The following PARD3B variants were observed in gnomAD, a reference collection of about 807,000 sequenced individuals.
The protein encoded by PARD3B is partitioning defective 3 homolog B.
A neutral mutation model predicts 130.2 loss-of-function variants in PARD3B; 103 were observed. The ratio of observed to expected loss-of-function variants is 0.79; its 90% CI spans 0.67 to 0.93. PARD3B has a LOEUF of 0.93. Ranked by LOEUF, PARD3B falls within the 40% of genes least tolerant of loss-of-function variation. The probability of loss-of-function intolerance (pLI) is 0.00; values close to 1 mark genes in which losing one functional copy is unlikely to be tolerated. For synonymous variants in PARD3B, 583 were observed against 553.2 expected, an observed-to-expected ratio of 1.05 and a Z score of -0.76; for missense variants, 1,609 against 1,499.2, an observed-to-expected ratio of 1.07 and a Z score of -1.21.
At chr2:204,584,449 T>C (rs1400641362) in intron 1 of PARD3B, among the ~76,000 whole-genome samples, 1 of 152,114 alleles carries the variant, frequency 6.6e-6, no homozygotes, top group African/African-American at 2.4e-5. Context: ...AAAAATAAGC[T>C]CATTTCTGAA....
intron 1 of PARD3B, among the ~76,000 whole-genome samples, chr2:204,561,819 A>G (rs750964356): frequency 4.0e-5 from 6 of 150,442 alleles, no homozygotes; most frequent in Non-Finnish European, 7.4e-5. Context: ...CTGGTCTTGA[A>G]CTCCTGACCT....
chr2:205,200,819 G>A (rs939936755), intron 15 of PARD3B, among the ~76,000 whole-genome samples: 3 of 152,164 alleles, frequency 2.0e-5, no homozygotes, highest in African/African-American at 7.2e-5. Context: ...ATTTTAGATG[G>A]GATAGTGAAT....
intron 4 of PARD3B, among the ~76,000 whole-genome samples, chr2:205,089,094 C>A (rs1701930123): frequency 6.6e-6 from 1 of 151,662 alleles, no homozygotes; most frequent in African/African-American, 2.4e-5. Context: ...AACCACCATG[C>A]CCGGCCTGCA....
At chr2:204,996,895 C>T (rs1267875549) in intron 3 of PARD3B, among the ~76,000 whole-genome samples, 5 of 150,716 alleles carry the variant, frequency 3.3e-5, no homozygotes, top group Non-Finnish European at 7.4e-5. Context: ...ACTCCCTGAC[C>T]CCTTGCGCTT....
intron 3 of PARD3B, among the ~76,000 whole-genome samples, chr2:204,978,486 G>A (rs1692380751): frequency 6.6e-6 from 1 of 152,170 alleles, no homozygotes; most frequent in African/African-American, 2.4e-5. Context: ...CAGTAGGGCA[G>A]TAGTCATCTT....
At chr2:204,810,890 C>T (rs754571166) in intron 2 of PARD3B, among the ~76,000 whole-genome samples, 3 of 152,008 alleles carry the variant, frequency 2.0e-5, no homozygotes, top group Non-Finnish European at 4.4e-5. Context: ...ATGGTACCAG[C>T]TCTTTGTCCA....
At chr2:204,947,855 G>T (rs1307728225) in intron 2 of PARD3B, among the ~76,000 whole-genome samples, 1 of 152,174 alleles carries the variant, frequency 6.6e-6, no homozygotes, top group African/African-American at 2.4e-5. Context: ...ATGACATGAT[G>T]AATAGGTCTA....
At chr2:204,562,858 A>G (rs1347412793) in intron 1 of PARD3B, among the ~76,000 whole-genome samples, 2 of 151,520 alleles carry the variant, frequency 1.3e-5, no homozygotes, top group Non-Finnish European at 2.9e-5. Context: ...CTGTAACTAG[A>G]TTTGCATTTC....
chr2:205,064,291 G>A (rs1220607896), intron 4 of PARD3B, among the ~76,000 whole-genome samples: 1 of 152,010 alleles, frequency 6.6e-6, no homozygotes, highest in Non-Finnish European at 1.5e-5. Context: ...TGTGCTTCAG[G>A]AAAAAGTGGA....
intron 2 of PARD3B, among the ~76,000 whole-genome samples, chr2:204,964,415 T>C (rs1691034836): frequency 6.6e-6 from 1 of 152,170 alleles, no homozygotes; most frequent in African/African-American, 2.4e-5. Context: ...ATGAACAATT[T>C]AGAGTTTTTA....
chr2:205,114,263 G>A (rs2125600286), intron 6 of PARD3B, among the ~76,000 whole-genome samples: 1 of 152,186 alleles, frequency 6.6e-6, no homozygotes, highest in Non-Finnish European at 1.5e-5. Flanking sequence ...GGAAATTAAA[G>A]TGTGTGCCAC....
chr2:204,893,882 T>G (rs2046541298), intron 2 of PARD3B, among the ~76,000 whole-genome samples: 1 of 152,144 alleles, frequency 6.6e-6, no homozygotes, highest in Non-Finnish European at 1.5e-5. Context: ...TTTATTATAT[T>G]ATTAATTCAA....
intron 18 of PARD3B, among the ~76,000 whole-genome samples, chr2:205,383,856 C>T (rs1051089390): frequency 4.6e-5 from 7 of 152,148 alleles, no homozygotes; most frequent in African/African-American, 1.7e-4. Context: ...ACTTGGTGTT[C>T]ATAGGTTGCC....
chr2:204,938,905 A>G lies in PARD3B; in HGVS notation c.223-26247A>G, dbSNP rs180761316. Among the ~76,000 whole-genome samples the G allele has an allele frequency of 3.3e-3, 505 of 152,320 alleles. 1 individual carries two copies. Among genetic ancestry groups the G allele is most frequent in the Non-Finnish European group, 6.1e-3 (412 of 68,026 alleles). ...TATATCTGGATGAATAAGTGAACTC[A>G]CAGAGAGTAAATATGGATGCCCTTG... On this transcript the variant is annotated intron_variant, in intron 2 of 22. Coordinates refer to ENST00000406610, the MANE Select transcript of PARD3B (RefSeq NM_001302769.2).
chr2:205,113,086 A>G lies in PARD3B; in HGVS notation c.594-405A>G, dbSNP rs545070767. Among the ~76,000 whole-genome samples, 30 of 152,288 alleles carry G rather than the reference A, an allele frequency of 2.0e-4. 1 individual carries two copies. In the South Asian group the frequency reaches 5.6e-3, roughly 28 times the overall value. ...CTGTTCCAGAGAAGAAGCCTACTTT[A>G]TGCTGAAGCATCGATGTGCTTTCTT... On this transcript the variant is annotated intron_variant, in intron 5 of 22. Transcript: ENST00000406610.
intron 22 of PARD3B, among the ~76,000 whole-genome samples, chr2:205,566,964 T>C (rs2106535424): frequency 6.6e-6 from 1 of 152,260 alleles, no homozygotes; most frequent in East Asian, 1.9e-4. Flanking sequence ...TAATGTCATC[T>C]GGCATTCTGT....
At chr2:205,365,747 G>A (rs2044584548) in intron 18 of PARD3B, among the ~76,000 whole-genome samples, 1 of 152,122 alleles carries the variant, frequency 6.6e-6, no homozygotes, top group South Asian at 2.1e-4. Flanking sequence ...AGCATAGCGT[G>A]TTGGGACTCA....
chr2:205,582,459 A>G (rs960888001), intron 22 of PARD3B, among the ~76,000 whole-genome samples: 6 of 152,222 alleles, frequency 3.9e-5, no homozygotes, highest in African/African-American at 1.4e-4. Context: ...CTTGAGAAAA[A>G]GCAGGTTCAA....
At chr2:204,818,589 A>G (rs898457845) in intron 2 of PARD3B, among the ~76,000 whole-genome samples, 1 of 152,198 alleles carries the variant, frequency 6.6e-6, no homozygotes, top group African/African-American at 2.4e-5. Context: ...TATTAATGCT[A>G]TTATAAATGC....
Sources: allele counts gnomAD v4.1 joint callset (sites outside exome capture counted in the v4.1 genomes callset), GRCh38; gene constraint gnomAD v4.1.1; transcripts MANE v1.5; gene names NCBI Gene and HGNC (gene_info 2026-07-23, HGNC 2026-07-21).